Variants in TUSC3 observed in about 807,000 individuals in gnomAD.
TUSC3 encodes the protein tumor suppressor candidate 3, also known as dolichyl-diphosphooligosaccharide--protein glycosyltransferase subunit TUSC3.
Under a neutral mutation model 44.8 loss-of-function variants are expected in TUSC3, and 45 were observed. The ratio of observed to expected loss-of-function variants is 1.00; its 90% CI spans 0.79 to 1.29. The LOEUF is 1.29. Among genes scored for constraint, TUSC3 ranks in the 50% most tolerant of loss-of-function variants. TUSC3 has a pLI of 0.00. For synonymous variants in TUSC3, 212 were observed against 152.9 expected (o/e 1.39, Z -2.85); for missense variants, 519 against 437.9 (o/e 1.19, Z -1.65).
At chr8:15,449,784 G>A (rs1388435493) in intron 1 of TUSC3, among the ~76,000 whole-genome samples, 1 of 152,074 alleles carries the variant, frequency 6.6e-6, no homozygotes, top group Non-Finnish European at 1.5e-5. Flanking sequence ...TTTCAGTCCT[G>A]CAAATTCCAT....
At chr8:15,737,416 G>T (rs779508426) in intron 7 of TUSC3, among the ~76,000 whole-genome samples, 16 of 152,084 alleles carry the variant, frequency 1.1e-4, no homozygotes, top group Non-Finnish European at 1.2e-4. Context: ...CAGTGCCTCT[G>T]GGTATTGTAT....
intron 1 of TUSC3, among the ~76,000 whole-genome samples, chr8:15,429,776 C>A (rs978241596): frequency 3.3e-5 from 5 of 151,372 alleles, no homozygotes; most frequent in African/African-American, 1.2e-4. Context: ...CAAATAGATG[C>A]AATAAAAAAT....
At chr8:15,820,230 A>T in the TUSC3 span, among the ~76,000 whole-genome samples, 1 of 151,218 alleles carries the variant, frequency 6.6e-6, no homozygotes. Flanking sequence ...TATGCTTCTT[A>T]TATATTGTTG....
intron 2 of TUSC3, among the ~76,000 whole-genome samples, chr8:15,627,469 G>A (rs1805567962): frequency 6.6e-6 from 1 of 152,222 alleles, no homozygotes; most frequent in Non-Finnish European, 1.5e-5. Context: ...CTTGGGACCT[G>A]CCAAATGGCA....
At chr8:15,835,259 A>G in the TUSC3 span, among the ~76,000 whole-genome samples, 300 of 152,316 alleles carry the variant, frequency 2.0e-3, 3 homozygotes, top group African/African-American at 6.7e-3. Context: ...GTCATTTTCT[A>G]TGATTCTTAG....
the TUSC3 span, among the ~76,000 whole-genome samples, chr8:15,822,749 A>G: frequency 1.6e-4 from 24 of 152,278 alleles, no homozygotes; most frequent in African/African-American, 5.5e-4. Flanking sequence ...AAGACTTTCA[A>G]GGAGGAAGGA....
At chr8:15,656,353 C>G (rs1461962207) in intron 3 of TUSC3, among the ~76,000 whole-genome samples, 1 of 152,058 alleles carries the variant, frequency 6.6e-6, no homozygotes, top group Non-Finnish European at 1.5e-5. Context: ...TATCTGAAAT[C>G]AAACAAATTA....
chr8:15,755,418 A>G (rs1282873289), intron 9 of TUSC3, among the ~76,000 whole-genome samples: 1 of 152,152 alleles, frequency 6.6e-6, no homozygotes, highest in Non-Finnish European at 1.5e-5. Context: ...TTCTGCTAAA[A>G]AGTTTTTCTT....
intron 1 of TUSC3, among the ~76,000 whole-genome samples, chr8:15,581,904 C>A (rs1274696257): frequency 1.4e-5 from 2 of 143,650 alleles, no homozygotes; most frequent in East Asian, 2.0e-4. Flanking sequence ...GCCCCTCCCC[C>A]AGCCTCGCTG....
intron 2 of TUSC3, among the ~76,000 whole-genome samples, chr8:15,516,749 A>C (rs2129128793): frequency 6.6e-6 from 1 of 152,306 alleles, no homozygotes; most frequent in African/African-American, 2.4e-5. Context: ...CTACTCCTGT[A>C]ATGTTTGTTG....
intron 2 of TUSC3, among the ~76,000 whole-genome samples, chr8:15,499,381 A>G (rs779576918): frequency 6.6e-5 from 10 of 152,192 alleles, no homozygotes; most frequent in African/African-American, 7.2e-5. Flanking sequence ...CAAATCTAGA[A>G]CTTTTGCATT....
the TUSC3 span, among the ~76,000 whole-genome samples, chr8:15,840,879 T>C: frequency 6.6e-6 from 1 of 152,258 alleles, no homozygotes; most frequent in East Asian, 1.9e-4. Context: ...AGAAGTAAAG[T>C]CAGTAATTTA....
intron 1 of TUSC3, among the ~76,000 whole-genome samples, chr8:15,478,060 C>A (rs570972525): frequency 2.0e-5 from 3 of 152,134 alleles, no homozygotes; most frequent in Admixed American, 1.3e-4. Flanking sequence ...CAGGTTCAAG[C>A]GATTCTCCTG....
chr8:15,420,479 C>T (rs764538322), intron 1 of TUSC3, among the ~76,000 whole-genome samples: 11 of 151,456 alleles, frequency 7.3e-5, no homozygotes, highest in Non-Finnish European at 1.2e-4. Context: ...GCCTGGGTGA[C>T]AGAGTGAGAC....
intron 1 of TUSC3, among the ~76,000 whole-genome samples, chr8:15,435,842 T>TC (rs751868183): frequency 2.6e-5 from 4 of 152,216 alleles, no homozygotes; most frequent in African/African-American, 4.8e-5. Flanking sequence ...TTCTTTTTTT[T>TC]CTTAATGTAT....
chr8:15,452,596 A>G (rs1315663786), intron 1 of TUSC3, among the ~76,000 whole-genome samples: 1 of 152,260 alleles, frequency 6.6e-6, no homozygotes, highest in Non-Finnish European at 1.5e-5. Context: ...AAGAGAAAGC[A>G]GATAAGCTAT....
At chr8:15,562,105 C>A (rs1287291856) in intron 1 of TUSC3, among the ~76,000 whole-genome samples, 2 of 152,114 alleles carry the variant, frequency 1.3e-5, no homozygotes, top group Non-Finnish European at 2.9e-5. Context: ...AACAGCTATG[C>A]AGGAGTCTAG....
the TUSC3 span, among the ~76,000 whole-genome samples, chr8:15,821,621 G>A: frequency 1.3e-5 from 2 of 150,312 alleles, no homozygotes; most frequent in South Asian, 4.2e-4. Context: ...CAATGCTGAT[G>A]TTCTCCTCTG....
chr8:15,832,802 A>C, the TUSC3 span, among the ~76,000 whole-genome samples: 1 of 152,288 alleles, frequency 6.6e-6, no homozygotes, highest in Admixed American at 6.5e-5. Flanking sequence ...AGAGACCTTT[A>C]AAGAGACTTT....
Sources: gnomAD v4.1 joint callset for allele counts (sites outside exome capture counted in the v4.1 genomes callset) on GRCh38, gnomAD v4.1.1 for gene constraint, MANE v1.5 for transcripts, NCBI Gene and HGNC (gene_info 2026-07-23, HGNC 2026-07-21) for gene names.